The following ASB3 variants were observed in gnomAD, a reference collection of about 807,000 sequenced individuals.
ASB3 encodes ankyrin repeat and SOCS box containing 3, also known as ankyrin repeat and SOCS box protein 3.
In ASB3, 41 loss-of-function variants were observed where a neutral mutation model predicts 54.5. The observed-to-expected ratio is 0.75, with a 90% CI of 0.59 to 0.98. ASB3 has a LOEUF of 0.98. ASB3 is among the 50% of genes least tolerant of loss of function. The pLI, the probability that ASB3 is intolerant of heterozygous loss-of-function variation, is 0.00. For missense variants in ASB3, 733 were observed against 620.0 expected, an observed-to-expected ratio of 1.18 and a Z score of -1.94; for synonymous variants, 266 against 221.2, an observed-to-expected ratio of 1.20 and a Z score of -1.80.
At chr2:53,775,971 T>C (rs1674311915) in intron 1 of ASB3, among the ~76,000 whole-genome samples, 1 of 152,218 alleles carries the variant, frequency 6.6e-6, no homozygotes, top group Non-Finnish European at 1.5e-5. Flanking sequence ...TCACATAGAA[T>C]TAACTTTGAT....
At chr2:53,670,873 G>A (rs1667775749) in intron 9 of ASB3, among the ~76,000 whole-genome samples, 183 bp from the exon 10 acceptor site, 1 of 152,104 alleles carries the variant, frequency 6.6e-6, no homozygotes, top group Admixed American at 6.5e-5. Flanking sequence ...GCCTTCAACT[G>A]GCTCCTCTCC....
chr2:53,749,254 C>T (rs200487830), intron 3 of ASB3, among the ~76,000 whole-genome samples: 1 of 151,950 alleles, frequency 6.6e-6, no homozygotes, highest in East Asian at 1.9e-4. Context: ...CAGTGAGATA[C>T]TACTAAACCT....
chr2:53,754,040 G>A lies in ASB3; in HGVS notation c.197-3099C>T, dbSNP rs1048353609. ...TGAGGTGGGAAACATACAAAGAGTC[G>A]GAGCACACTGTAGGTCCAAAAAGTA... On this transcript the variant is annotated intron_variant, in intron 2 of 9. Coordinates refer to ENST00000263634, the MANE Select transcript of ASB3 (RefSeq NM_016115.5). Among the ~76,000 whole-genome samples the A allele has an allele frequency of 3.9e-5, 6 of 151,968 alleles. No individual in the cohort carries two copies. In the South Asian group the frequency reaches 8.3e-4, roughly 21 times the overall value.
intron 7 of ASB3, among the ~76,000 whole-genome samples, chr2:53,705,922 C>G (rs1017897240): frequency 6.6e-6 from 1 of 152,056 alleles, no homozygotes; most frequent in Non-Finnish European, 1.5e-5. Context: ...AGGCAATATC[C>G]TAGAATGCAA....
At chr2:53,775,881 CT>C (rs1212312424) in intron 1 of ASB3, among the ~76,000 whole-genome samples, 1 of 152,114 alleles carries the variant, frequency 6.6e-6, no homozygotes, top group Non-Finnish European at 1.5e-5. Flanking sequence ...TTGTACGTAA[CT>C]TTTTTCTTTA....
chr2:53,698,790 T>A (rs548232156), intron 8 of ASB3, among the ~76,000 whole-genome samples: 1 of 152,356 alleles, frequency 6.6e-6, no homozygotes, highest in East Asian at 1.9e-4. Flanking sequence ...GTTGAGACTT[T>A]CCTAGTCTTC....
At chr2:53,762,371 G>T (rs1283039606) in intron 2 of ASB3, among the ~76,000 whole-genome samples, 2 of 152,194 alleles carry the variant, frequency 1.3e-5, no homozygotes, top group African/African-American at 4.8e-5. Context: ...TAAAAAACCT[G>T]TCCAAAGTCA....
In ASB3 at chr2:53,670,627, C is replaced by A; in HGVS notation, c.1433G>T (p.Arg478Leu). 5.0e-6 allele frequency: 8 copies of A among 1,613,962 alleles called. No individual in the cohort carries two copies. Among genetic ancestry groups the A allele is most frequent in the Non-Finnish European group, 6.8e-6 (8 of 1,179,968 alleles). The change falls in exon 10 of 10, where the codon CGT becomes CTT. Residue 478 changes from arginine (R) to leucine (L), a missense_variant. Transcript: ENST00000263634. ...LEIRSSLKSERLRSDSYISQL... is the reference protein window; with the variant it reads ...LEIRSSLKSELLRSDSYISQL... ...ACTAATATAACTGTCAGACCGTAGA[C>A]GTTCTGATTTTAGACTGGACCGAAT...
At chr2:53,672,614 T>C (rs1274171998) in intron 9 of ASB3, among the ~76,000 whole-genome samples, 3 of 152,220 alleles carry the variant, frequency 2.0e-5, no homozygotes, top group Non-Finnish European at 2.9e-5. Context: ...CAACCATACA[T>C]ACTTTAAACA....
chr2:53,684,276 T>C (rs1474117030), intron 9 of ASB3, among the ~76,000 whole-genome samples: 2 of 152,194 alleles, frequency 1.3e-5, no homozygotes, highest in Non-Finnish European at 2.9e-5. Flanking sequence ...TACAGAGTGG[T>C]TAGAAGTTCT....
At chr2:53,786,444 A>G (rs548383033) in intron 1 of ASB3, 3 of 152,138 alleles carry the variant, frequency 2.0e-5, no homozygotes, top group Non-Finnish European at 4.4e-5. Context: ...GGGCTACCTC[A>G]CCCCAGGTTT....
intron 1 of ASB3, among the ~76,000 whole-genome samples, chr2:53,776,931 A>C (rs1674372025): frequency 1.3e-5 from 2 of 152,228 alleles, no homozygotes; most frequent in Non-Finnish European, 2.9e-5. Context: ...AAGACAATTA[A>C]AATACCAAAA....
chr2:53,715,748 A>C (rs1670349748), intron 6 of ASB3, among the ~76,000 whole-genome samples: 1 of 152,194 alleles, frequency 6.6e-6, no homozygotes, highest in Admixed American at 6.5e-5. Flanking sequence ...AATATCATTA[A>C]TGAAATAGTA....
chr2:53,704,643 G>A (rs970427887), intron 7 of ASB3, among the ~76,000 whole-genome samples: 2 of 151,944 alleles, frequency 1.3e-5, no homozygotes, highest in African/African-American at 2.4e-5. Context: ...TGCTTAATTG[G>A]AAAAGCTTCA....
At chr2:53,771,805 C>T (rs1673932166) in intron 1 of ASB3, 3 of 743,944 alleles carry the variant, frequency 4.0e-6, no homozygotes, top group African/African-American at 3.6e-5. Context: ...TTCTTATGAG[C>T]AAATATAATT....
At chr2:53,696,448 A>C (rs934247784) in intron 8 of ASB3, among the ~76,000 whole-genome samples, 4 of 152,166 alleles carry the variant, frequency 2.6e-5, no homozygotes, top group Non-Finnish European at 4.4e-5. Context: ...CTTCTAAGAG[A>C]ATAAAGCTAA....
intron 1 of ASB3, among the ~76,000 whole-genome samples, chr2:53,782,812 G>C (rs1234795241): frequency 6.6e-6 from 1 of 151,654 alleles, no homozygotes; most frequent in African/African-American, 2.4e-5. Context: ...TTTAGATGAA[G>C]TTTCACTTTT....
chr2:53,770,846 T>A (rs953320969), intron 1 of ASB3, among the ~76,000 whole-genome samples: 1 of 152,188 alleles, frequency 6.6e-6, no homozygotes, highest in African/African-American at 2.4e-5. Flanking sequence ...GACCTTTAAA[T>A]AGGGCAAAGT....
chr2:53,686,140 T>C (rs1438608964), intron 9 of ASB3, among the ~76,000 whole-genome samples: 3 of 152,200 alleles, frequency 2.0e-5, no homozygotes, highest in African/African-American at 7.2e-5. Context: ...GAAGTGCTAC[T>C]CTCTATAGCT....
Sources: allele counts gnomAD v4.1 joint callset (sites outside exome capture counted in the v4.1 genomes callset), GRCh38; gene constraint gnomAD v4.1.1; transcripts MANE v1.5; gene names NCBI Gene and HGNC (gene_info 2026-07-23, HGNC 2026-07-21).